The following NCOA4 variants were observed in gnomAD, a reference collection of about 807,000 sequenced individuals.
NCOA4 encodes 70 kDa AR-activator.
Under a neutral mutation model 69.5 loss-of-function variants are expected in NCOA4, and 31 were observed. The observed-to-expected ratio is 0.45, with a 90% CI of 0.34 to 0.60. The LOEUF is 0.60. NCOA4 is among the 20% of genes least tolerant of loss of function. NCOA4 has a pLI of 0.02. For missense variants in NCOA4, 600 were observed against 719.2 expected (o/e 0.83, Z 1.90); for synonymous variants, 228 against 252.4 (o/e 0.90, Z 0.92).
At chr10:46,026,668 A>G (rs1840169944) in intron 1 of NCOA4, among the ~76,000 whole-genome samples, 1 of 152,168 alleles carries the variant, frequency 6.6e-6, no homozygotes, top group Non-Finnish European at 1.5e-5. Context: ...GACTAACAAT[A>G]ATGCCAAAAT....
chr10:46,019,352 G>T, intron 1 of NCOA4: 2 of 985,438 alleles, frequency 2.0e-6, no homozygotes, highest in South Asian at 4.7e-5. Flanking sequence ...TGCCGGCTCC[G>T]ATTTGGAGAG....
intron 2 of NCOA4, among the ~76,000 whole-genome samples, chr10:46,016,004 G>C (rs989559489): frequency 6.6e-6 from 1 of 152,104 alleles, no homozygotes; most frequent in Admixed American, 6.6e-5. Flanking sequence ...ATTTTTTTCT[G>C]TTTAATAAAG....
chr10:46,009,203 T>C lies in NCOA4; in HGVS notation c.1839+208A>G, dbSNP rs781865184. On this transcript the variant is annotated intron_variant, in intron 9 of 9. Transcript: ENST00000581486. The stretch of plus-strand genomic sequence containing the variant: ...ACGGTTACATCTTGAAAGTTCATTT[T>C]GAAGTATGCCTAGTTAGTTAATAAA... 2.3e-5 allele frequency: 36 copies of C among 1,550,432 alleles called. No homozygotes were observed. The highest frequency in any genetic ancestry group is 2.7e-5 in the Non-Finnish European group (31 of 1,145,862).
chr10:46,022,495 T>C lies in NCOA4; in HGVS notation c.-14-5801A>G, dbSNP rs148094875. 1.2e-3 allele frequency: 560 copies of C among 461,786 alleles called. 3 individuals carry two copies. Among genetic ancestry groups the C allele is most frequent in the African/African-American group, 0.01 (506 of 49,170 alleles). 28.6% of individuals were successfully genotyped at this position (461,786 alleles called of 1,614,324 possible). Reference sequence around the variant, plus strand: ...TTTTTTTTTGTTTTGAGACGGAGTCTAGCTCTGCCGCCCAGGCTGGAGTGC... The same window carrying C: ...TTTTTTTTTGTTTTGAGACGGAGTCCAGCTCTGCCGCCCAGGCTGGAGTGC... On this transcript the variant is annotated intron_variant, in intron 1 of 9. Transcript: ENST00000581486.
At position 46,015,244 on chromosome 10, in the gene NCOA4, C is replaced by G; in HGVS notation, c.164G>C (p.Cys55Ser). ...LREVKAQIHS[C>S]ISRHLECLRS... is the part of the protein sequence containing the mutation. ...AAGACATTCCAGGTGACGGCTTATG[C>G]AACTGTGAATCTGAGCTTTGACCTA... Residue 55 changes from cysteine (C) to serine (S), a missense_variant, in exon 3 of 10, where the codon TGC becomes TCC. By Grantham distance (112) the Cys-to-Ser change is moderately radical. Coordinates refer to ENST00000581486, the MANE Select transcript of NCOA4 (RefSeq NM_001145263.2). 6.2e-7 allele frequency: 1 copy of G among 1,612,474 alleles called. No homozygotes were observed. Among genetic ancestry groups the G allele is most frequent in the Non-Finnish European group, 8.5e-7 (1 of 1,179,484 alleles).
Position 46,010,409 on chromosome 10 carries a change from T to A in NCOA4, c.1512A>T (p.Lys504Asn). The A allele has an allele frequency of 6.2e-7, 1 of 1,614,178 alleles. No homozygotes were observed. The highest frequency in any genetic ancestry group is 8.5e-7 in the Non-Finnish European group (1 of 1,180,022). Reference protein sequence around the residue: ...LSEWLIRPPYKEGSPKEVPGT... With the variant: ...LSEWLIRPPYNEGSPKEVPGT... ...CAGGCACTTCCTTGGGACTTCCTTC[T>A]TTGTATGGGGGCCTGATAAGCCACT... The change falls in exon 8 of 10, where the codon AAA becomes AAT. Residue 504 changes from lysine (K) to asparagine (N), a missense_variant. Lys to Asn is a moderately conservative substitution (Grantham distance 94, BLOSUM62 0). Transcript: ENST00000581486.
Position 46,019,362 on chromosome 10 carries a change from G to C in NCOA4, c.-14-2668C>G, listed in dbSNP as rs782697386. 3 of 985,334 alleles carry C rather than the reference G, an allele frequency of 3.0e-6. No homozygotes were observed. In the East Asian group the frequency reaches 3.4e-4, roughly 112 times the overall value. The allele number at this position is 985,334 out of a possible 1,614,324, so 61.0% of individuals were successfully genotyped here. A position where few individuals can be genotyped will look rare whatever the true frequency, so the allele number is the denominator to read the frequency against. On this transcript the variant is annotated intron_variant, in intron 1 of 9. Transcript: ENST00000581486. ...TGAAATGCCGGCTCCGATTTGGAGA[G>C]CTGGAGCGTGATGGGCTGCTTCACT... is the stretch of plus-strand genomic sequence containing the variant.
At chr10:46,016,204 A>G (rs1285215500) in intron 2 of NCOA4, among the ~76,000 whole-genome samples, 1 of 152,216 alleles carries the variant, frequency 6.6e-6, no homozygotes, top group Non-Finnish European at 1.5e-5. Flanking sequence ...GATGCAGCTG[A>G]GAGGATACTG....
At chr10:46,017,583 A>G (rs186551919) in intron 1 of NCOA4, among the ~76,000 whole-genome samples, 1 of 152,138 alleles carries the variant, frequency 6.6e-6, no homozygotes, top group Non-Finnish European at 1.5e-5. Flanking sequence ...ATAGAGATAC[A>G]TGTTTTATAT....
In NCOA4 at chr10:46,005,614, T is replaced by C. The variant is rs551907679; in HGVS notation, c.*978A>G. ...CAATGAACACCCCAAGGCACAAGTG[T>C]TGAAAACGGCCTGTTCACTAAAACG... On this transcript the variant is annotated 3_prime_UTR_variant, in exon 10 of 10. Transcript: ENST00000581486. 14 of 220,210 alleles carry C rather than the reference T, an allele frequency of 6.4e-5. No homozygotes were observed. The highest frequency in any genetic ancestry group is 4.7e-4 in the East Asian group (7 of 14,992). The allele number at this position is 220,210 out of a possible 1,614,324, so 13.6% of individuals were successfully genotyped here. A position where few individuals can be genotyped will look rare whatever the true frequency, so the allele number is the denominator to read the frequency against.
rs1300733389 is a variant in NCOA4, at chr10:46,011,034, T to C, written c.887A>G (p.Gln296Arg). 4 of 1,614,008 alleles carry C rather than the reference T, an allele frequency of 2.5e-6. No individual in the cohort carries two copies. The Admixed American group carries it at 6.7e-5, about 27-fold the overall frequency. ...CCAATCTGATAGGTCCATCTCATCT[T>C]GATCAGGAAGCTCTTGATCTCCAAC... is the stretch of plus-strand genomic sequence containing the variant. ...EKVGDQELPD[Q>R]DEMDLSDWLV... Residue 296 changes from glutamine to arginine, a missense_variant, in exon 8 of 10, where the codon CAA (glutamine) becomes CGA (arginine). Gln to Arg is a conservative substitution (Grantham distance 43). Coordinates refer to ENST00000581486, the MANE Select transcript of NCOA4 (RefSeq NM_001145263.2).
chr10:46,030,316 C>A (rs1840391542), intron 1 of NCOA4, among the ~76,000 whole-genome samples: 4 of 149,556 alleles, frequency 2.7e-5, no homozygotes, highest in Admixed American at 2.7e-4. Context: ...AACGTAGGCC[C>A]GGGCCCGGCG....
chr10:46,014,771 A>C, intron 4 of NCOA4, 83 bp downstream of exon 4: 1 of 1,098,584 alleles, frequency 9.1e-7, no homozygotes, highest in Non-Finnish European at 1.4e-6. Context: ...ATATAACACA[A>C]GCAATGAGTT....
At position 46,005,686 on chromosome 10, in the gene NCOA4, C is replaced by G. The variant is rs2132300347; in HGVS notation, c.*906G>C. On this transcript the variant is annotated 3_prime_UTR_variant, in exon 10 of 10. Coordinates refer to ENST00000581486, the MANE Select transcript of NCOA4 (RefSeq NM_001145263.2). ...TGCTGTGCTTGCAGTGAGAGGATGACTTTATCCCTACTTAAAAGCACCAGG... is the reference window on the plus strand; with the variant it reads ...TGCTGTGCTTGCAGTGAGAGGATGAGTTTATCCCTACTTAAAAGCACCAGG... 4.6e-6 allele frequency: 1 copy of G among 218,090 alleles called. No homozygotes were observed. Among genetic ancestry groups the G allele is most frequent in the South Asian group, 1.9e-4 (1 of 5,382 alleles). The allele number at this position is 218,090 out of a possible 1,614,324, so 13.5% of individuals were successfully genotyped here.
chr10:46,030,189 G>A (rs1259948080), intron 1 of NCOA4, among the ~76,000 whole-genome samples: 1 of 152,124 alleles, frequency 6.6e-6, no homozygotes, highest in Non-Finnish European at 1.5e-5. Flanking sequence ...GGGAGCAGGA[G>A]GTGTCCGAGC....
chr10:46,025,770 G>C (rs78399721), intron 1 of NCOA4, among the ~76,000 whole-genome samples: 2,553 of 152,320 alleles, frequency 0.017, 78 homozygotes, highest in African/African-American at 0.058. Context: ...ACTGTAATCT[G>C]TATGGGTTTC....
At chr10:46,018,027 A>C (rs1425012219) in intron 1 of NCOA4, among the ~76,000 whole-genome samples, 1 of 152,244 alleles carries the variant, frequency 6.6e-6, no homozygotes, top group Non-Finnish European at 1.5e-5. Flanking sequence ...TTGTGGCAAG[A>C]CTATATGTTA....
chr10:46,023,516 T>C (rs1590177818), intron 1 of NCOA4: 1 of 985,492 alleles, frequency 1.0e-6, no homozygotes, highest in East Asian at 1.1e-4. Context: ...AGCGGAAAAC[T>C]CCGCCCATTG....
At chr10:46,008,663 CTT>C (rs1206993490) in intron 9 of NCOA4, among the ~76,000 whole-genome samples, 4 of 152,194 alleles carry the variant, frequency 2.6e-5, no homozygotes, top group Non-Finnish European at 5.9e-5. Flanking sequence ...ATTAAATAAA[CTT>C]AGTGGATAAA....
Sources: gnomAD v4.1 joint callset for allele counts (sites outside exome capture counted in the v4.1 genomes callset) on GRCh38, gnomAD v4.1.1 for gene constraint, MANE v1.5 for transcripts, NCBI Gene and HGNC (gene_info 2026-07-23, HGNC 2026-07-21) for gene names.